Variants in LYN observed in about 807,000 individuals in gnomAD.
LYN encodes tyrosine-protein kinase Lyn.
A neutral mutation model predicts 65.0 loss-of-function variants in LYN; 12 were observed. The observed-to-expected ratio is 0.18, with a 90% CI of 0.12 to 0.30. The LOEUF (loss-of-function observed/expected upper bound fraction) is 0.30. LYN is among the 10% of genes least tolerant of loss of function. LYN has a pLI of 1.00. For missense variants in LYN, 380 were observed against 623.2 expected, an observed-to-expected ratio of 0.61 and a Z score of 4.16; for synonymous variants, 222 against 221.2, an observed-to-expected ratio of 1.00 and a Z score of -0.03.
At chr8:55,880,691 GAACTC>G (rs1283333430) in intron 1 of LYN, among the ~76,000 whole-genome samples, 1 of 152,230 alleles carries the variant, frequency 6.6e-6, no homozygotes, top group Admixed American at 6.5e-5. Context: ...GCGGAGGCTG[GAACTC>G]ACCCTCCCGC....
Position 55,952,101 on chromosome 8 carries a change from T to C in LYN, c.623T>C (p.Ile208Thr). The C allele has an allele frequency of 1.3e-6, 2 of 1,591,530 alleles. No homozygotes were observed. Among genetic ancestry groups the C allele is most frequent in the Non-Finnish European group, 1.7e-6 (2 of 1,173,398 alleles). ...RITFPCISDMIKHYQKQADGL... is the reference protein window; with the variant it reads ...RITFPCISDMTKHYQKQADGL... The stretch of plus-strand genomic sequence containing the variant: ...ACTTTTCCCTGTATCAGCGACATGA[T>C]TAAACATTACCAAAGTAAGTAAAAA... Residue 208 changes from isoleucine (I) to threonine (T), a missense_variant, in exon 7 of 13, where the codon ATT becomes ACT. Coordinates refer to ENST00000519728, the MANE Select transcript of LYN (RefSeq NM_002350.4).
At chr8:55,929,039 T>C (rs1287215538) in intron 1 of LYN, among the ~76,000 whole-genome samples, 5 of 152,174 alleles carry the variant, frequency 3.3e-5, no homozygotes, top group Non-Finnish European at 5.9e-5. Flanking sequence ...GTACCACTTA[T>C]TGAAAAAAAT....
chr8:55,924,928 G>A (rs1585604386), intron 1 of LYN, among the ~76,000 whole-genome samples: 2 of 149,992 alleles, frequency 1.3e-5, no homozygotes, highest in East Asian at 2.0e-4. Context: ...TGCAGCCTCC[G>A]CCTCCCAGGT....
chr8:55,991,668 T>C (rs956119080), intron 10 of LYN, among the ~76,000 whole-genome samples: 2 of 151,998 alleles, frequency 1.3e-5, no homozygotes, highest in South Asian at 2.1e-4. Flanking sequence ...GGGCTCAGCA[T>C]GGTCTTCTTT....
chr8:55,903,085 G>A (rs1478827951), intron 1 of LYN, among the ~76,000 whole-genome samples: 2 of 152,184 alleles, frequency 1.3e-5, no homozygotes, highest in East Asian at 1.9e-4. Flanking sequence ...CTGACTTCGC[G>A]ATCCGCCCAC....
At chr8:55,938,607 C>T (rs1806509176) in intron 1 of LYN, among the ~76,000 whole-genome samples, 1 of 152,220 alleles carries the variant, frequency 6.6e-6, no homozygotes, top group Non-Finnish European at 1.5e-5. Flanking sequence ...GCATTTTTCT[C>T]ATTGCCTTGG....
chr8:55,946,336 T>C, intron 2 of LYN, 112 bp from the exon 3 acceptor site: 2 of 752,964 alleles, frequency 2.7e-6, no homozygotes, highest in South Asian at 3.0e-5. Context: ...TCTGACTTAA[T>C]AAATGAGCCC....
intron 1 of LYN, among the ~76,000 whole-genome samples, chr8:55,922,575 C>A (rs963549189): frequency 3.3e-5 from 5 of 152,030 alleles, no homozygotes; most frequent in Non-Finnish European, 7.4e-5. Context: ...CAAGACCAGC[C>A]TGGCCAACAT....
intron 1 of LYN, among the ~76,000 whole-genome samples, chr8:55,896,103 A>T (rs7840325): frequency 0.41 from 61,300 of 148,126 alleles, 13,102 homozygotes; most frequent in East Asian, 0.66. Context: ...TAAAGCAATT[A>T]AAAAAAAAAA....
At chr8:55,982,511 C>A (rs570153068) in intron 10 of LYN, among the ~76,000 whole-genome samples, 1 of 152,204 alleles carries the variant, frequency 6.6e-6, no homozygotes, top group East Asian at 1.9e-4. Context: ...TCTTCTTTTC[C>A]ATTTCCAGAC....
At chr8:55,919,291 T>C (rs1805877750) in intron 1 of LYN, among the ~76,000 whole-genome samples, 1 of 152,138 alleles carries the variant, frequency 6.6e-6, no homozygotes, top group African/African-American at 2.4e-5. Flanking sequence ...GAAATGAAGT[T>C]TTGATTTTTG....
chr8:55,908,392 C>T (rs185220953), intron 1 of LYN, among the ~76,000 whole-genome samples: 1 of 151,640 alleles, frequency 6.6e-6, no homozygotes, highest in Non-Finnish European at 1.5e-5. Flanking sequence ...TTACAGGCAC[C>T]CCCCACCGCG....
intron 1 of LYN, among the ~76,000 whole-genome samples, chr8:55,941,564 C>G (rs949453471): frequency 1.3e-5 from 2 of 152,156 alleles, no homozygotes; most frequent in Admixed American, 1.3e-4. Context: ...TTCTTAGATC[C>G]TGTGGGTCCT....
chr8:55,885,854 G>T (rs555684365), intron 1 of LYN, among the ~76,000 whole-genome samples: 2 of 152,108 alleles, frequency 1.3e-5, no homozygotes, highest in East Asian at 1.9e-4. Context: ...TGGGTCATTT[G>T]CCTGCAGCCC....
At chr8:55,924,483 C>T (rs990757482) in intron 1 of LYN, among the ~76,000 whole-genome samples, 1 of 152,056 alleles carries the variant, frequency 6.6e-6, no homozygotes, top group African/African-American at 2.4e-5. Flanking sequence ...CTGCCTCAGC[C>T]TCCCTAGTGG....
At chr8:55,942,025 G>A in intron 2 of LYN, 34 bp downstream of exon 2, 1 of 1,609,180 alleles carries the variant, frequency 6.2e-7, no homozygotes, top group Non-Finnish European at 8.5e-7. Flanking sequence ...AATTCCCACA[G>A]CAAGATCAAA....
chr8:55,928,862 C>G (rs1040260228), intron 1 of LYN, among the ~76,000 whole-genome samples: 6 of 152,026 alleles, frequency 3.9e-5, no homozygotes, highest in African/African-American at 1.4e-4. Flanking sequence ...CCAAGGTCAT[C>G]TAGCTTTTCT....
chr8:55,890,771 G>A (rs1344485276), intron 1 of LYN, among the ~76,000 whole-genome samples: 4 of 150,588 alleles, frequency 2.7e-5, no homozygotes, highest in Non-Finnish European at 4.4e-5. Context: ...TCTGTCACCC[G>A]GGCTAGAGTG....
At chr8:55,963,098 G>A (rs1330361747) in intron 8 of LYN, among the ~76,000 whole-genome samples, 1 of 152,234 alleles carries the variant, frequency 6.6e-6, no homozygotes, top group Admixed American at 6.5e-5. Flanking sequence ...TTCAACATGA[G>A]ATTTGGAGAG....
Sources: gnomAD v4.1 joint callset for allele counts (sites outside exome capture counted in the v4.1 genomes callset) on GRCh38, gnomAD v4.1.1 for gene constraint, MANE v1.5 for transcripts, NCBI Gene and HGNC (gene_info 2026-07-23, HGNC 2026-07-21) for gene names.